The following RAP1GAP2 variants were observed in gnomAD, a reference collection of about 807,000 sequenced individuals.
The protein encoded by RAP1GAP2 is RAP1 GTPase activating protein 2.
In RAP1GAP2, 27 loss-of-function variants were observed where a neutral mutation model predicts 95.0. That is an observed-to-expected ratio of 0.28 (90% CI 0.21 to 0.39). RAP1GAP2 has a LOEUF of 0.39. Among genes scored for constraint, RAP1GAP2 ranks in the 10% least tolerant of loss-of-function variants. The probability of loss-of-function intolerance (pLI) is 1.00; values close to 1 mark genes in which losing one functional copy is unlikely to be tolerated. For synonymous variants in RAP1GAP2, 373 were observed against 380.9 expected, an observed-to-expected ratio of 0.98 and a Z score of 0.24; for missense variants, 771 against 970.0, an observed-to-expected ratio of 0.79 and a Z score of 2.72.
At chr17:2,780,436 A>C (rs2068618490) in intron 1 of RAP1GAP2, among the ~76,000 whole-genome samples, 1 of 152,156 alleles carries the variant, frequency 6.6e-6, no homozygotes, top group African/African-American at 2.4e-5. Flanking sequence ...TTGTTTGCAA[A>C]CAGTTCCTGT....
intron 8 of RAP1GAP2, among the ~76,000 whole-genome samples, chr17:2,971,793 AC>A (rs1221071645): frequency 2.0e-5 from 3 of 152,146 alleles, no homozygotes; most frequent in African/African-American, 7.2e-5. Context: ...CAATATTGTT[AC>A]CTAAAGAAAG....
chr17:2,818,789 G>A (rs762170708), intron 2 of RAP1GAP2, among the ~76,000 whole-genome samples: 1 of 152,160 alleles, frequency 6.6e-6, no homozygotes, highest in African/African-American at 2.4e-5. Flanking sequence ...GCTCTGACAC[G>A]CAGCAGCTGT....
At position 2,981,239 on chromosome 17, in the gene RAP1GAP2, G is replaced by A. The variant is rs755013067; in HGVS notation, c.720G>A (p.Leu240=). The A allele has an allele frequency of 3.1e-6, 5 of 1,610,532 alleles. No individual in the cohort carries two copies. Among genetic ancestry groups the A allele is most frequent in the Non-Finnish European group, 3.4e-6 (4 of 1,178,100 alleles). ...TGGGACTGAGATTCAATCCTGTCCT[G>A]TACCCCAAGGTAAGGACCTTCATGC... ...DAVGLRFNPV[L]YPKASQMIVS... is the part of the protein sequence containing the mutation. The change falls in exon 10 of 25, where the codon CTG becomes CTA. Residue 240 remains leucine (L), a synonymous_variant. Transcript: ENST00000254695.
intron 22 of RAP1GAP2, among the ~76,000 whole-genome samples, chr17:3,030,194 A>T (rs111656172): frequency 6.7e-6 from 1 of 150,232 alleles, no homozygotes; most frequent in South Asian, 2.1e-4. Flanking sequence ...ACACACACAC[A>T]CACTCACTCT....
intron 2 of RAP1GAP2, among the ~76,000 whole-genome samples, chr17:2,897,148 C>T (rs969554617): frequency 6.6e-6 from 1 of 152,012 alleles, no homozygotes; most frequent in Non-Finnish European, 1.5e-5. Flanking sequence ...ACCAGCCTGG[C>T]CAACATAGTG....
chr17:3,020,432 C>A (rs77355290), intron 18 of RAP1GAP2, 45 bp from the exon 19 acceptor site: 1 of 1,477,730 alleles, frequency 6.8e-7, no homozygotes. Context: ...GATAGGAGAT[C>A]GGTGTTTGGG....
In RAP1GAP2 at chr17:2,857,283, G is replaced by A. The variant is rs557823722; in HGVS notation, c.81-48001G>A. On this transcript the variant is annotated intron_variant, in intron 2 of 24. Transcript: ENST00000254695. The surrounding 1 kb of genome is among the most constrained non-coding windows in gnomAD (Gnocchi z 4.0). ...GTGTGGCTTGCAGGGACCACCCAGT[G>A]GTCTTTTTCATCCTCCTGCTCTCTC... Among the ~76,000 whole-genome samples, 3 of 152,224 alleles carry A rather than the reference G, an allele frequency of 2.0e-5. No individual in the cohort carries two copies. The highest frequency in any genetic ancestry group is 7.2e-5 in the African/African-American group (3 of 41,534).
chr17:2,899,741 C>T (rs2041963984), intron 2 of RAP1GAP2, among the ~76,000 whole-genome samples: 1 of 151,876 alleles, frequency 6.6e-6, no homozygotes, highest in Middle Eastern at 3.2e-3. Flanking sequence ...GAACTCCTGA[C>T]CTCAGGTGAT....
At chr17:3,015,744 G>C (rs1175776998) in intron 17 of RAP1GAP2, among the ~76,000 whole-genome samples, 1 of 152,126 alleles carries the variant, frequency 6.6e-6, no homozygotes, top group Non-Finnish European at 1.5e-5. Flanking sequence ...TTGAACCTGG[G>C]AAGCGGAGGA....
At chr17:2,985,122 CTT>C (rs1002708864) in intron 11 of RAP1GAP2, 56 bp downstream of exon 11, 2 of 1,607,344 alleles carry the variant, frequency 1.2e-6, no homozygotes, top group African/African-American at 2.7e-5. Flanking sequence ...ACTTAGGACT[CTT>C]TTTATCCCCA....
chr17:2,981,014 A>G (rs963107277), intron 9 of RAP1GAP2, among the ~76,000 whole-genome samples, 181 bp from the exon 10 acceptor site: 4 of 151,822 alleles, frequency 2.6e-5, no homozygotes, highest in African/African-American at 9.7e-5. Context: ...TCATCAGCAA[A>G]CCCCAGAAAG....
chr17:2,864,484 C>T (rs2072542424), intron 2 of RAP1GAP2, among the ~76,000 whole-genome samples: 2 of 152,360 alleles, frequency 1.3e-5, no homozygotes, highest in Non-Finnish European at 2.9e-5. Flanking sequence ...TACACCTCAA[C>T]TTCTAGCTAC....
intron 2 of RAP1GAP2, among the ~76,000 whole-genome samples, chr17:2,819,087 T>G (rs1017105119): frequency 1.5e-4 from 22 of 151,428 alleles, no homozygotes; most frequent in African/African-American, 5.3e-4. Context: ...GGCGCGATCT[T>G]GGCTCACTGC....
At chr17:2,879,514 T>G (rs1308935986) in intron 2 of RAP1GAP2, among the ~76,000 whole-genome samples, 2 of 150,248 alleles carry the variant, frequency 1.3e-5, no homozygotes, top group Admixed American at 1.3e-4. Context: ...GATCACGAGA[T>G]CAGGAGTTCA....
upstream of RAP1GAP2, among the ~76,000 whole-genome samples, chr17:2,773,836 C>A (rs2068442989): frequency 6.6e-6 from 1 of 151,778 alleles, no homozygotes; most frequent in African/African-American, 2.4e-5. Flanking sequence ...CAGCTCACTG[C>A]AACCTCCGCC....
Position 2,797,326 on chromosome 17 carries a change from G to A in RAP1GAP2, c.44+755G>A, listed in dbSNP as rs970312836. Among the ~76,000 whole-genome samples, 1 of 152,174 alleles carries A rather than the reference G, an allele frequency of 6.6e-6. No individual in the cohort carries two copies. The highest frequency in any genetic ancestry group is 2.4e-5 in the African/African-American group (1 of 41,434). On this transcript the variant is annotated intron_variant, in intron 1 of 24. Coordinates refer to ENST00000254695, the MANE Select transcript of RAP1GAP2 (RefSeq NM_015085.5). This position sits in a 1 kb window ranked among gnomAD's most constrained non-coding sequence, Gnocchi z 5.6. ...GATGAGGGATGTGCTTTTTCTTCCCGGCGGGGGGCAGAAGGTAGGCACACG... is the reference window on the plus strand; with the variant it reads ...GATGAGGGATGTGCTTTTTCTTCCCAGCGGGGGGCAGAAGGTAGGCACACG...
intron 2 of RAP1GAP2, among the ~76,000 whole-genome samples, chr17:2,861,406 A>T (rs1352899622): frequency 2.6e-5 from 4 of 151,658 alleles, no homozygotes; most frequent in Non-Finnish European, 5.9e-5. Flanking sequence ...TTGCTGAGTG[A>T]ATGGATGGAA....
In RAP1GAP2 at chr17:2,906,945, A is replaced by G. The variant is rs952445420; in HGVS notation, c.165+1577A>G. 6.6e-6 allele frequency among the ~76,000 whole-genome samples: 1 copy of G among 152,154 alleles called. No homozygotes were observed. Among genetic ancestry groups the G allele is most frequent in the East Asian group, 1.9e-4 (1 of 5,164 alleles). The stretch of plus-strand genomic sequence containing the variant: ...TTTTTGCCTTTGTAATTGCAAGCAT[A>G]GACGGCAGGCATGACTGCATCCGCA... On this transcript the variant is annotated intron_variant, in intron 3 of 24. Coordinates refer to ENST00000254695, the MANE Select transcript of RAP1GAP2 (RefSeq NM_015085.5). This position sits in a 1 kb window ranked among gnomAD's most constrained non-coding sequence, Gnocchi z 4.3.
At chr17:2,786,670 A>T (rs1412197001) in intron 1 of RAP1GAP2, among the ~76,000 whole-genome samples, 1 of 147,344 alleles carries the variant, frequency 6.8e-6, no homozygotes, top group Non-Finnish European at 1.5e-5. Flanking sequence ...TTTGCGATGG[A>T]GTCTCACTCT....
Sources: gnomAD v4.1 joint callset for allele counts (sites outside exome capture counted in the v4.1 genomes callset) on GRCh38, gnomAD v4.1.1 for gene constraint, Gnocchi (gnomAD v3.1) non-coding constraint, MANE v1.5 for transcripts, NCBI Gene and HGNC (gene_info 2026-07-23, HGNC 2026-07-21) for gene names.